The following VPS13B variants were observed in gnomAD, a reference collection of about 807,000 sequenced individuals.
VPS13B encodes vacuolar protein sorting 13 homolog B.
Under a neutral mutation model 426.4 loss-of-function variants are expected in VPS13B, and 285 were observed. The observed-to-expected ratio is 0.67, with a 90% CI of 0.61 to 0.74. The LOEUF (loss-of-function observed/expected upper bound fraction) is 0.74, where lower values mean the gene tolerates loss of function less well. Ranked by LOEUF, VPS13B falls within the 30% of genes least tolerant of loss-of-function variation. The pLI is 0.00. For synonymous variants in VPS13B, 1,676 were observed against 1,676.4 expected (o/e 1.00, Z 0.01); for missense variants, 4,537 against 4,782.6 (o/e 0.95, Z 1.51).
chr8:99,225,660 T>C (rs963347342), intron 17 of VPS13B, among the ~76,000 whole-genome samples: 3 of 152,234 alleles, frequency 2.0e-5, no homozygotes, highest in Non-Finnish European at 2.9e-5. Flanking sequence ...TGTTCTGTTA[T>C]TTCTTCCTGC....
At position 99,121,368 on chromosome 8, in the gene VPS13B, C is replaced by G. The variant is rs766611506; in HGVS notation, c.1129C>G (p.Gln377Glu). 6.2e-7 allele frequency: 1 copy of G among 1,614,130 alleles called. No individual in the cohort carries two copies. Among genetic ancestry groups the G allele is most frequent in the Admixed American group, 1.7e-5 (1 of 60,014 alleles). Residue 377 changes from glutamine to glutamate, a missense_variant, in exon 8 of 62, where the codon CAA becomes GAA. Gln to Glu is a conservative substitution (Grantham distance 29, BLOSUM62 2). Transcript: ENST00000357162. ...GAACGATCCTGCATCAACCATGCAT[C>G]AACAAAAAGCACAGACTTTGAAGGA... ...VGNDPASTMH[Q>E]QKAQTLKDPI... is the part of the protein sequence containing the mutation.
intron 23 of VPS13B, among the ~76,000 whole-genome samples, chr8:99,448,698 T>C (rs1818045986): frequency 1.3e-5 from 2 of 152,194 alleles, no homozygotes; most frequent in Admixed American, 1.3e-4. Flanking sequence ...ACTGCTCTTT[T>C]ATAGCTTCCT....
At chr8:99,031,206 A>G (rs1049332781) in intron 2 of VPS13B, among the ~76,000 whole-genome samples, 3 of 151,836 alleles carry the variant, frequency 2.0e-5, no homozygotes, top group African/African-American at 7.3e-5. Flanking sequence ...TTTTAATTTT[A>G]TTCACTGACT....
chr8:99,806,736 G>T (rs537112907), intron 43 of VPS13B, among the ~76,000 whole-genome samples: 1 of 152,202 alleles, frequency 6.6e-6, no homozygotes, highest in Admixed American at 6.5e-5. Flanking sequence ...ATAAAAATAG[G>T]TATGCAAGTA....
chr8:99,273,052 A>C (rs1047004541), intron 17 of VPS13B, among the ~76,000 whole-genome samples: 10 of 151,946 alleles, frequency 6.6e-5, no homozygotes, highest in Non-Finnish European at 1.2e-4. Context: ...AATTCAGGAC[A>C]CTTCTGCTCC....
chr8:99,231,617 G>A (rs1816326418), intron 17 of VPS13B, among the ~76,000 whole-genome samples: 1 of 152,058 alleles, frequency 6.6e-6, no homozygotes, highest in African/African-American at 2.4e-5. Flanking sequence ...TCTCCAGGCT[G>A]GTTGTTGATA....
At position 99,229,512 on chromosome 8, in the gene VPS13B, A is replaced by G. The variant is rs11992762; in HGVS notation, c.2515+36455A>G. The stretch of plus-strand genomic sequence containing the variant: ...TTGATTGATTGATTCAGTGAGTGTT[A>G]ACAGTTTGACACTATGTACTAGGGT... On this transcript the variant is annotated intron_variant, in intron 17 of 61. Transcript: ENST00000357162. 6.7e-3 allele frequency among the ~76,000 whole-genome samples: 1,022 copies of G among 152,284 alleles called. 10 individuals are homozygous for G. Among genetic ancestry groups the G allele is most frequent in the African/African-American group, 0.023 (976 of 41,558 alleles).
At chr8:99,859,265 T>C (rs1816706657) in intron 56 of VPS13B, 39 bp from the exon 57 acceptor site, 1 of 1,611,964 alleles carries the variant, frequency 6.2e-7, no homozygotes. Flanking sequence ...AGTTCTGCAT[T>C]TGAGGTTTCA....
chr8:99,143,104 T>C lies in VPS13B; in HGVS notation c.1782T>C (p.Ile594=), dbSNP rs145648860. The part of the protein sequence containing the change: ...FRLDSSAVHR[I]LKMIVCALEH... Reference sequence around the variant, plus strand: ...TGGATAGCAGTGCGGTGCATAGGATTTTGAAAATGATTGTGTGTGCCTTGG... The same window carrying C: ...TGGATAGCAGTGCGGTGCATAGGATCTTGAAAATGATTGTGTGTGCCTTGG... The change falls in exon 13 of 62, where the codon ATT becomes ATC. Residue 594 remains isoleucine, a synonymous_variant. Coordinates refer to ENST00000357162, the MANE Select transcript of VPS13B (RefSeq NM_152564.5). The C allele has an allele frequency of 1.1e-3, 1,808 of 1,614,034 alleles. 13 individuals are homozygous for C. In the African/African-American group the frequency reaches 0.021, roughly 19 times the overall value.
intron 16 of VPS13B, among the ~76,000 whole-genome samples, chr8:99,172,099 A>G (rs1457187908): frequency 1.3e-5 from 2 of 152,184 alleles, no homozygotes; most frequent in East Asian, 3.8e-4. Flanking sequence ...ATGTTTTAAT[A>G]TGAACACTTA....
At chr8:99,016,510 T>A (rs920736116) in intron 2 of VPS13B, among the ~76,000 whole-genome samples, 2 of 151,682 alleles carry the variant, frequency 1.3e-5, no homozygotes, top group Non-Finnish European at 2.9e-5. Context: ...AGCTATCTTT[T>A]TTTTTTTTTG....
intron 16 of VPS13B, 75 bp from the exon 17 acceptor site, chr8:99,192,801 A>G (rs1813675850): frequency 2.6e-6 from 4 of 1,541,214 alleles, no homozygotes; most frequent in South Asian, 1.1e-5. Flanking sequence ...TTCCCTTGCA[A>G]CCTAAGTCAT....
intron 23 of VPS13B, among the ~76,000 whole-genome samples, chr8:99,459,997 T>A (rs1818741831): frequency 6.6e-6 from 1 of 152,180 alleles, no homozygotes; most frequent in Admixed American, 6.5e-5. Flanking sequence ...TGGTTTTGAA[T>A]GAAAGTGTTT....
In VPS13B at chr8:99,270,709, T is replaced by A. The variant is rs987080370; in HGVS notation, c.2516-3489T>A. Among the ~76,000 whole-genome samples the A allele has an allele frequency of 4.6e-5, 7 of 152,312 alleles. No individual in the cohort carries two copies. The Middle Eastern group carries it at 0.01, about 222-fold the overall frequency. On this transcript the variant is annotated intron_variant, in intron 17 of 61. Transcript: ENST00000357162. The stretch of plus-strand genomic sequence containing the variant: ...TTAGAGAATCTTTTAGTAGCTCTTG[T>A]TTGCTGACTACTATATAGGTTTCCT...
intron 21 of VPS13B, among the ~76,000 whole-genome samples, chr8:99,408,125 C>A (rs1325993483): frequency 6.6e-6 from 1 of 152,114 alleles, no homozygotes; most frequent in African/African-American, 2.4e-5. Flanking sequence ...ACTTACAAAT[C>A]ATTGTAACGA....
intron 3 of VPS13B, among the ~76,000 whole-genome samples, chr8:99,048,683 C>T (rs553932442): frequency 5.9e-5 from 9 of 152,026 alleles, no homozygotes; most frequent in South Asian, 4.2e-4. Context: ...GGTGTGGTAG[C>T]GAGCGCCTGT....
chr8:99,234,604 G>A (rs1032185553), intron 17 of VPS13B: 132 of 395,248 alleles, frequency 3.3e-4, no homozygotes, highest in African/African-American at 2.5e-3. Flanking sequence ...TGGGTAGTGC[G>A]CTCGCGCAGT....
At chr8:99,473,917 A>G (rs887920966) in intron 24 of VPS13B, among the ~76,000 whole-genome samples, 3 of 152,134 alleles carry the variant, frequency 2.0e-5, no homozygotes, top group African/African-American at 7.2e-5. Flanking sequence ...AAGAAACATA[A>G]ATGAATAAAT....
chr8:99,415,405 C>G (rs1167950371), intron 21 of VPS13B, among the ~76,000 whole-genome samples: 2 of 152,050 alleles, frequency 1.3e-5, no homozygotes, highest in African/African-American at 2.4e-5. Flanking sequence ...CCTTCCGAAG[C>G]CTGCCTCTAT....
Sources: allele counts gnomAD v4.1 joint callset (sites outside exome capture counted in the v4.1 genomes callset), GRCh38; gene constraint gnomAD v4.1.1; transcripts MANE v1.5; gene names NCBI Gene and HGNC (gene_info 2026-07-23, HGNC 2026-07-21).